The following DRC8 variants were observed in gnomAD, a reference collection of about 807,000 sequenced individuals.
DRC8 encodes the protein dynein regulatory complex subunit 8.
At chr1:245,082,852 G>A in the DRC8 span, among the ~76,000 whole-genome samples, 5 of 152,042 alleles carry the variant, frequency 3.3e-5, no homozygotes, top group East Asian at 3.9e-4. Context: ...TTACAGGCAC[G>A]TGCATGCCAC....
chr1:244,984,191 A>G, the DRC8 span, among the ~76,000 whole-genome samples: 6 of 152,198 alleles, frequency 3.9e-5, no homozygotes, highest in South Asian at 8.3e-4. Context: ...ACAGAGGATA[A>G]CCCAATTTCC....
At chr1:245,015,204 C>T in the DRC8 span, among the ~76,000 whole-genome samples, 2 of 152,158 alleles carry the variant, frequency 1.3e-5, no homozygotes, top group Admixed American at 1.3e-4. Flanking sequence ...GCAGCCTCGA[C>T]CTGCTGACCT....
the DRC8 span, among the ~76,000 whole-genome samples, chr1:245,007,329 A>G: frequency 6.6e-6 from 1 of 152,222 alleles, no homozygotes; most frequent in Non-Finnish European, 1.5e-5. Context: ...TGCAGTACAT[A>G]ATCTTTGATT....
At chr1:245,067,282 A>G in the DRC8 span, among the ~76,000 whole-genome samples, 1 of 152,096 alleles carries the variant, frequency 6.6e-6, no homozygotes, top group Admixed American at 6.5e-5. Context: ...GCCGGCCAAC[A>G]TGACCACGCC....
the DRC8 span, among the ~76,000 whole-genome samples, chr1:245,035,685 G>GGGGTTTA: frequency 1.6e-5 from 2 of 127,406 alleles, no homozygotes; most frequent in East Asian, 4.2e-4. Flanking sequence ...TGGCCAACGT[G>GGGGTTTA]GTGAAACCCC....
the DRC8 span, chr1:244,970,663 TCCC>T: frequency 2.8e-5 from 1 of 35,368 alleles, no homozygotes; most frequent in Non-Finnish European, 4.6e-5. Flanking sequence ...CCCGCCTCTC[TCCC>T]CCGCCCCGCC....
At chr1:245,070,864 C>T in the DRC8 span, among the ~76,000 whole-genome samples, 302 of 152,286 alleles carry the variant, frequency 2.0e-3, 7 homozygotes, top group Middle Eastern at 0.017. Context: ...AGATCCCTCA[C>T]GAACGGGATT....
At chr1:245,102,348 T>TTATTTATA in the DRC8 span, among the ~76,000 whole-genome samples, 1 of 151,628 alleles carries the variant, frequency 6.6e-6, no homozygotes, top group Non-Finnish European at 1.5e-5. Flanking sequence ...ATTTATTTAT[T>TTATTTATA]TATTTATTTA....
the DRC8 span, among the ~76,000 whole-genome samples, chr1:245,043,303 G>T: frequency 6.6e-6 from 1 of 151,914 alleles, no homozygotes; most frequent in African/African-American, 2.4e-5. Flanking sequence ...CATGGTGGTG[G>T]GCACCTGTAA....
chr1:245,082,199 G>T, the DRC8 span: 5 of 1,532,994 alleles, frequency 3.3e-6, no homozygotes, highest in African/African-American at 2.7e-5. Flanking sequence ...GCAAAGTAAT[G>T]GTCAGAATTA....
the DRC8 span, among the ~76,000 whole-genome samples, chr1:245,079,390 T>G: frequency 6.6e-6 from 1 of 152,202 alleles, no homozygotes; most frequent in Non-Finnish European, 1.5e-5. Flanking sequence ...TTCTGACTAG[T>G]TGGCTGTTTT....
chr1:245,035,866 CA>C, the DRC8 span, among the ~76,000 whole-genome samples: 127 of 109,926 alleles, frequency 1.2e-3, no homozygotes, highest in Middle Eastern at 4.5e-3. Flanking sequence ...GACTCTGTCT[CA>C]AAAAAAAAAA....
chr1:245,097,416 G>T, the DRC8 span, among the ~76,000 whole-genome samples: 1 of 152,024 alleles, frequency 6.6e-6, no homozygotes, highest in African/African-American at 2.4e-5. The surrounding 1 kb of genome is among the most constrained non-coding windows in gnomAD (Gnocchi z 5.0). Flanking sequence ...TACTTGGAAG[G>T]CTGAGGCAGG....
the DRC8 span, among the ~76,000 whole-genome samples, chr1:244,991,482 G>A: frequency 6.6e-6 from 1 of 152,110 alleles, no homozygotes; most frequent in African/African-American, 2.4e-5. Flanking sequence ...GGTGGGGTCA[G>A]GTTTGGGGAA....
chr1:245,091,577 A>G, the DRC8 span: 1 of 152,210 alleles, frequency 6.6e-6, no homozygotes, highest in African/African-American at 2.4e-5. Context: ...GGTTCTTTCA[A>G]AAGTTCGGAC....
the DRC8 span, among the ~76,000 whole-genome samples, chr1:245,072,809 A>T: frequency 6.6e-6 from 1 of 152,154 alleles, no homozygotes; most frequent in Non-Finnish European, 1.5e-5. Context: ...CTGAGTTCAC[A>T]CAAGCTCTGG....
the DRC8 span, among the ~76,000 whole-genome samples, chr1:245,001,684 G>A: frequency 2.6e-5 from 4 of 152,202 alleles, no homozygotes; most frequent in Admixed American, 2.0e-4. Context: ...TACACATATT[G>A]TGCCCACCAC....
chr1:244,970,332 A>T, the DRC8 span: 1 of 1,433,406 alleles, frequency 7.0e-7, no homozygotes, highest in Non-Finnish European at 9.2e-7. Context: ...CCTCCAGGCC[A>T]GGCTCGCCGC....
chr1:244,970,185 G>C, the DRC8 span: 1 of 716,138 alleles, frequency 1.4e-6, no homozygotes. Flanking sequence ...CCGGGGGCCG[G>C]GTGGCAGACG....
Sources: allele counts gnomAD v4.1 joint callset (sites outside exome capture counted in the v4.1 genomes callset), GRCh38; gene constraint gnomAD v4.1.1; non-coding constraint Gnocchi (gnomAD v3.1); transcripts MANE v1.5; gene names NCBI Gene and HGNC (gene_info 2026-07-23, HGNC 2026-07-21).